Variants in SLC14A2 observed in about 807,000 individuals in gnomAD.
SLC14A2 encodes solute carrier family 14 member 2.
In SLC14A2, 91 loss-of-function variants were observed where a neutral mutation model predicts 104.6. The observed-to-expected ratio is 0.87, with a 90% CI of 0.73 to 1.04. The LOEUF is 1.04. Ranked by LOEUF, SLC14A2 falls within the 50% of genes least tolerant of loss-of-function variation. SLC14A2 has a pLI of 0.00. For synonymous variants in SLC14A2, 476 were observed against 466.4 expected, an observed-to-expected ratio of 1.02 and a Z score of -0.27; for missense variants, 1,189 against 1,156.0, an observed-to-expected ratio of 1.03 and a Z score of -0.41.
chr18:45,616,186 C>T (rs369918972), intron 1 of SLC14A2, among the ~76,000 whole-genome samples: 3 of 152,102 alleles, frequency 2.0e-5, no homozygotes, highest in Non-Finnish European at 4.4e-5. Flanking sequence ...AACTTCTCCC[C>T]CTAAGTAGCC....
chr18:45,345,938 T>G (rs913621333), intron 1 of SLC14A2, among the ~76,000 whole-genome samples: 57 of 152,200 alleles, frequency 3.7e-4, no homozygotes, highest in African/African-American at 1.3e-3. Flanking sequence ...TAACAGTAAA[T>G]GAGAGTTCCC....
the SLC14A2 span, among the ~76,000 whole-genome samples, chr18:45,187,662 G>A: frequency 2.0e-5 from 3 of 152,064 alleles, no homozygotes; most frequent in Admixed American, 6.6e-5. Context: ...CCTTATGCCC[G>A]TCCAGAAAAT....
intron 1 of SLC14A2, among the ~76,000 whole-genome samples, chr18:45,216,480 T>C (rs1414714627): frequency 2.0e-5 from 3 of 152,298 alleles, no homozygotes; most frequent in Non-Finnish European, 4.4e-5. Flanking sequence ...GGGTGTTATG[T>C]TGGTGCTCAC....
chr18:45,248,289 G>A (rs924666532), intron 1 of SLC14A2, among the ~76,000 whole-genome samples: 11 of 152,114 alleles, frequency 7.2e-5, no homozygotes, highest in Non-Finnish European at 1.0e-4. Context: ...CCATTTTATC[G>A]TCCCATAGCA....
chr18:45,179,875 A>G, the SLC14A2 span: 5 of 152,138 alleles, frequency 3.3e-5, no homozygotes, highest in African/African-American at 1.2e-4. Context: ...GCTGGGCACA[A>G]TGGCTCATAC....
intron 1 of SLC14A2, among the ~76,000 whole-genome samples, chr18:45,304,582 G>T (rs546191571): frequency 2.4e-4 from 36 of 152,332 alleles, no homozygotes; most frequent in African/African-American, 8.2e-4. Context: ...ATTGTAACTT[G>T]TTAAAATGCA....
intron 1 of SLC14A2, among the ~76,000 whole-genome samples, chr18:45,240,630 G>GTT (rs375137254): frequency 2.8e-5 from 4 of 141,516 alleles, no homozygotes; most frequent in Non-Finnish European, 6.2e-5. Flanking sequence ...GGGAGAAAGT[G>GTT]TTTTTTTTTT....
chr18:45,623,673 G>A (rs1034190310), intron 1 of SLC14A2, among the ~76,000 whole-genome samples: 16 of 152,114 alleles, frequency 1.1e-4, no homozygotes, highest in African/African-American at 2.4e-4. Flanking sequence ...ATCCTTGAGC[G>A]GTGTCTGGAA....
At chr18:45,345,765 A>G (rs1016987025) in intron 1 of SLC14A2, among the ~76,000 whole-genome samples, 1 of 152,226 alleles carries the variant, frequency 6.6e-6, no homozygotes, top group Non-Finnish European at 1.5e-5. Flanking sequence ...ATTGTATACT[A>G]TGCAACAATT....
chr18:45,495,759 A>G (rs2043086045), intron 2 of SLC14A2, among the ~76,000 whole-genome samples: 2 of 152,166 alleles, frequency 1.3e-5, no homozygotes, highest in Non-Finnish European at 2.9e-5. Context: ...GGCCCTTAAG[A>G]GAAGCCAGTT....
In SLC14A2 at chr18:45,672,529, CAA is replaced by C. The variant is rs34358333; in HGVS notation, c.2230-356_2230-355del. On this transcript the variant is annotated intron_variant, in intron 16 of 19. Coordinates refer to ENST00000255226, the MANE Select transcript of SLC14A2 (RefSeq NM_007163.4). ...GGGCAACAAGAGCGAAACTCCATCT[CAA>C]AAAAAAAAAAAAAATTCACAAAGGG... 1.1e-3 allele frequency among the ~76,000 whole-genome samples: 141 copies of C among 128,630 alleles called. 1 individual carries two copies. Among genetic ancestry groups the C allele is most frequent in the Non-Finnish European group, 1.9e-3 (111 of 58,946 alleles). The allele number at this position is 128,630 out of a possible 152,430, so 84.4% of individuals were successfully genotyped here. A position where few individuals can be genotyped will look rare whatever the true frequency, so the allele number is the denominator to read the frequency against.
chr18:45,632,746 C>T (rs1192009215), intron 5 of SLC14A2, among the ~76,000 whole-genome samples: 2 of 152,158 alleles, frequency 1.3e-5, no homozygotes, highest in East Asian at 1.9e-4. Flanking sequence ...GGCGCAATCT[C>T]GGCTCACTGC....
At chr18:45,631,837 T>G (rs2045350303) in intron 4 of SLC14A2, among the ~76,000 whole-genome samples, 1 of 152,184 alleles carries the variant, frequency 6.6e-6, no homozygotes, top group African/African-American at 2.4e-5. Flanking sequence ...CCCAGGCTGG[T>G]TGAACTCCTG....
intron 1 of SLC14A2, among the ~76,000 whole-genome samples, chr18:45,476,786 T>C (rs1440253559): frequency 3.3e-5 from 5 of 152,216 alleles, no homozygotes; most frequent in Non-Finnish European, 7.3e-5. Context: ...TATTGATACT[T>C]GTGTATGCTT....
intron 1 of SLC14A2, among the ~76,000 whole-genome samples, chr18:45,353,465 G>A (rs2085522085): frequency 6.6e-6 from 1 of 152,176 alleles, no homozygotes; most frequent in African/African-American, 2.4e-5. Context: ...GTCCTTGTAG[G>A]TCAATTGTGT....
intron 1 of SLC14A2, among the ~76,000 whole-genome samples, chr18:45,368,762 T>G (rs2085692152): frequency 6.6e-6 from 1 of 152,230 alleles, no homozygotes; most frequent in South Asian, 2.1e-4. Context: ...CGTTTTGGAT[T>G]GGCTTAACTG....
At chr18:45,502,725 G>A (rs1253899664) in intron 2 of SLC14A2, among the ~76,000 whole-genome samples, 2 of 152,134 alleles carry the variant, frequency 1.3e-5, no homozygotes, top group African/African-American at 4.8e-5. Flanking sequence ...ATGTAATAAA[G>A]TTTACCTTAC....
At chr18:45,532,408 G>C (rs1352027506) in intron 2 of SLC14A2, among the ~76,000 whole-genome samples, 1 of 151,416 alleles carries the variant, frequency 6.6e-6, no homozygotes, top group African/African-American at 2.4e-5. Flanking sequence ...CCTTGAAGAG[G>C]TCCTTCACAT....
chr18:45,199,916 ATG>A, the SLC14A2 span, among the ~76,000 whole-genome samples: 1 of 152,242 alleles, frequency 6.6e-6, no homozygotes, highest in East Asian at 1.9e-4. Context: ...GCAAGAGGGG[ATG>A]TTCCAATCTC....
Sources: allele counts gnomAD v4.1 joint callset (sites outside exome capture counted in the v4.1 genomes callset), GRCh38; gene constraint gnomAD v4.1.1; transcripts MANE v1.5; gene names NCBI Gene and HGNC (gene_info 2026-07-23, HGNC 2026-07-21).